Variants in CLASP1 observed in about 807,000 individuals in gnomAD.
CLASP1 encodes cytoplasmic linker associated protein 1.
A neutral mutation model predicts 192.3 loss-of-function variants in CLASP1; 38 were observed. That is an observed-to-expected ratio of 0.20 (90% CI 0.15 to 0.26). The LOEUF is 0.26. Among genes scored for constraint, CLASP1 ranks in the 10% least tolerant of loss-of-function variants. The pLI, the probability that CLASP1 is intolerant of heterozygous loss-of-function variation, is 1.00. For synonymous variants in CLASP1, 691 were observed against 712.8 expected, an observed-to-expected ratio of 0.97 and a Z score of 0.49; for missense variants, 1,433 against 1,932.5, an observed-to-expected ratio of 0.74 and a Z score of 4.85.
intron 37 of CLASP1, among the ~76,000 whole-genome samples, chr2:121,355,331 G>C (rs2065198399): frequency 6.6e-6 from 1 of 152,100 alleles, no homozygotes; most frequent in Non-Finnish European, 1.5e-5. Context: ...GTTTCACCAA[G>C]TTGGCCAGGC....
intron 19 of CLASP1, among the ~76,000 whole-genome samples, chr2:121,442,622 G>A (rs1460446049): frequency 6.6e-6 from 1 of 151,982 alleles, no homozygotes; most frequent in Non-Finnish European, 1.5e-5. Flanking sequence ...TGGGACTAGA[G>A]GCACACACCA....
At chr2:121,601,211 T>C (rs6541787) in intron 2 of CLASP1, among the ~76,000 whole-genome samples, 34,960 of 151,660 alleles carry the variant, frequency 0.23, 6,031 homozygotes, top group African/African-American at 0.48. Context: ...GGTGATTTCA[T>C]AGCCCTTAAA....
intron 2 of CLASP1, among the ~76,000 whole-genome samples, chr2:121,555,017 G>A (rs867007458): frequency 2.6e-5 from 4 of 152,152 alleles, no homozygotes; most frequent in Middle Eastern, 3.4e-3. Context: ...CAGAAATATC[G>A]GCTGTTGTGG....
intron 32 of CLASP1, among the ~76,000 whole-genome samples, chr2:121,384,584 A>T (rs1347321152): frequency 1.3e-5 from 2 of 152,238 alleles, no homozygotes; most frequent in Non-Finnish European, 2.9e-5. Context: ...ACTAAAAAAA[A>T]AAAGTTTATT....
At chr2:121,347,185 AACCAGATCAAAG>A (rs2063551281) in intron 38 of CLASP1, 31 bp from the exon 40 acceptor site, 1 of 1,412,658 alleles carries the variant, frequency 7.1e-7, no homozygotes, top group Non-Finnish European at 9.8e-7. Flanking sequence ...ACGAAAAGGA[AACCAGATCAAAG>A]ATTCATTCCA....
chr2:121,344,713 C>T (rs978474808), intron 39 of CLASP1, among the ~76,000 whole-genome samples: 1 of 152,174 alleles, frequency 6.6e-6, no homozygotes, highest in African/African-American at 2.4e-5. Flanking sequence ...TGACTTGATT[C>T]TCTTTGTTTC....
Position 121,531,057 on chromosome 2 carries a change from A to G in CLASP1, c.196-732T>C, listed in dbSNP as rs74330734. On this transcript the variant is annotated intron_variant, in intron 2 of 39. Transcript: ENST00000263710. Reference sequence around the variant, plus strand: ...ATCAGTTCAAACAGCAGTAATTCGTAAATAAACTAGTACTTTGTGGTTAAA... The same window carrying G: ...ATCAGTTCAAACAGCAGTAATTCGTGAATAAACTAGTACTTTGTGGTTAAA... 17,075 of 696,618 alleles carry G rather than the reference A, an allele frequency of 0.025. 338 individuals carry two copies. The highest frequency in any genetic ancestry group is 0.036 in the Non-Finnish European group (13,678 of 381,878). The allele number at this position is 696,618 out of a possible 1,614,324, so 43.2% of individuals were successfully genotyped here.
chr2:121,644,122 C>T (rs62151109), intron 1 of CLASP1, among the ~76,000 whole-genome samples: 3,712 of 152,246 alleles, frequency 0.024, 72 homozygotes, highest in Non-Finnish European at 0.041. Context: ...TAGGTAGGTG[C>T]TACAATTAAC....
At chr2:121,579,755 T>G (rs6753499) in intron 2 of CLASP1, among the ~76,000 whole-genome samples, 1 of 152,226 alleles carries the variant, frequency 6.6e-6, no homozygotes. Context: ...TTACTCTGAC[T>G]GCATTGCTAA....
At chr2:121,417,946 C>G (rs1238862995) in intron 23 of CLASP1, among the ~76,000 whole-genome samples, 1 of 152,190 alleles carries the variant, frequency 6.6e-6, no homozygotes, top group Non-Finnish European at 1.5e-5. Flanking sequence ...AAAATGATTT[C>G]TACGTTTATG....
chr2:121,393,046 A>T (rs1310252372), intron 30 of CLASP1, among the ~76,000 whole-genome samples: 3 of 152,224 alleles, frequency 2.0e-5, no homozygotes, highest in Non-Finnish European at 4.4e-5. Context: ...AAAAATGCTA[A>T]AATCAATTAA....
chr2:121,630,890 T>G (rs1242649678), intron 1 of CLASP1, among the ~76,000 whole-genome samples: 29 of 147,798 alleles, frequency 2.0e-4, no homozygotes, highest in African/African-American at 6.8e-4. Context: ...CCGGGCGCAG[T>G]GGCTCACGCC....
chr2:121,478,832 ACACACCACACACACACCACACAC>A (rs1233065892), intron 8 of CLASP1, among the ~76,000 whole-genome samples: 3 of 20,014 alleles, frequency 1.5e-4, no homozygotes, highest in Non-Finnish European at 9.6e-5. Context: ...ACCACACACC[ACACACCACACACACACCACACAC>A]CACACCACAC....
At chr2:121,364,194 T>C (rs1342295055) in intron 36 of CLASP1, 4 of 152,376 alleles carry the variant, frequency 2.6e-5, no homozygotes, top group African/African-American at 7.2e-5. Context: ...CACCACGGCA[T>C]GGCATGCAGC....
chr2:121,404,281 G>T, intron 26 of CLASP1, 90 bp downstream of exon 27: 4 of 1,549,262 alleles, frequency 2.6e-6, no homozygotes, highest in Non-Finnish European at 3.5e-6. Flanking sequence ...CTGCACTATC[G>T]GGAATTCTCT....
At chr2:121,350,853 A>G (rs1573611138) in intron 37 of CLASP1, among the ~76,000 whole-genome samples, 1 of 152,266 alleles carries the variant, frequency 6.6e-6, no homozygotes, top group Admixed American at 6.5e-5. Flanking sequence ...AAGATAATGG[A>G]TAACTTTGTT....
chr2:121,418,576 G>A (rs2078977647), intron 23 of CLASP1, 46 bp downstream of exon 23: 1 of 1,341,086 alleles, frequency 7.5e-7, no homozygotes, highest in Non-Finnish European at 1.1e-6. Context: ...CGGACAAGCA[G>A]GGAAAGGAAC....
chr2:121,502,981 G>A (rs2093809839), intron 8 of CLASP1, among the ~76,000 whole-genome samples, 186 bp downstream of exon 8: 1 of 152,268 alleles, frequency 6.6e-6, no homozygotes, highest in Middle Eastern at 3.4e-3. Context: ...TTCAATACAG[G>A]TTATGAAAGA....
intron 1 of CLASP1, among the ~76,000 whole-genome samples, chr2:121,636,911 C>A (rs908041901): frequency 1.3e-5 from 2 of 152,038 alleles, no homozygotes; most frequent in East Asian, 1.9e-4. Context: ...TTTTTAAGAA[C>A]GATTTTCTGC....
Sources: gnomAD v4.1 joint callset for allele counts (sites outside exome capture counted in the v4.1 genomes callset) on GRCh38, gnomAD v4.1.1 for gene constraint, MANE v1.5 for transcripts, NCBI Gene and HGNC (gene_info 2026-07-23, HGNC 2026-07-21) for gene names.